The following FAS variants were observed in gnomAD, a reference collection of about 807,000 sequenced individuals.
FAS encodes the protein Fas cell surface death receptor.
In FAS, 5 loss-of-function variants were observed where a neutral mutation model predicts 33.2. That is an observed-to-expected ratio of 0.15 (90% confidence interval 0.08 to 0.32). The LOEUF is 0.32. FAS is among the 10% of genes least tolerant of loss of function. The probability of loss-of-function intolerance (pLI) is 1.00; values close to 1 mark genes in which losing one functional copy is unlikely to be tolerated. For missense variants in FAS, 339 were observed against 386.0 expected (o/e 0.88, Z 1.02); for synonymous variants, 131 against 130.7 (o/e 1.00, Z -0.01).
rs186223698 is a variant in FAS at position 88,969,108 on chromosome 10, A to C, written n.95-4074A>C. Among the ~76,000 whole-genome samples, 14 of 152,272 alleles carry C rather than the reference A, an allele frequency of 9.2e-5. No individual in the cohort carries two copies. The East Asian group carries it at 2.7e-3, about 29-fold the overall frequency. ...TGTGTTTTTTTCTCTCTTATTAAATAATACTCAAGACAAACACTTTTATAA... is the reference window on the plus strand; with the variant it reads ...TGTGTTTTTTTCTCTCTTATTAAATCATACTCAAGACAAACACTTTTATAA... On this transcript the variant is annotated intron_variant and non_coding_transcript_variant, in intron 1 of 3. Transcript: ENST00000688239.
chr10:89,004,701 T>C (rs965179500), intron 2 of FAS, among the ~76,000 whole-genome samples: 1 of 152,196 alleles, frequency 6.6e-6, no homozygotes, highest in African/African-American at 2.4e-5. Context: ...AAAGTCATGT[T>C]TTCTGATATA....
At chr10:88,981,365 G>A (rs11202917) in intron 2 of FAS, among the ~76,000 whole-genome samples, 16,647 of 147,456 alleles carry the variant, frequency 0.11, 1,345 homozygotes, top group East Asian at 0.43. Context: ...ATTAACCATC[G>A]GGTTAAGAGA....
chr10:89,006,889 T>TA (rs3837329), intron 2 of FAS, among the ~76,000 whole-genome samples: 114,856 of 152,138 alleles, frequency 0.75, 43,657 homozygotes, highest in East Asian at 0.97. Flanking sequence ...ACTTTATTTT[T>TA]AAGTAAATTA....
intron 1 of FAS, among the ~76,000 whole-genome samples, chr10:88,997,934 G>A (rs950835040): frequency 6.6e-6 from 1 of 152,144 alleles, no homozygotes; most frequent in East Asian, 1.9e-4. Context: ...TTCTAGTTCT[G>A]AAGACCATGG....
chr10:89,006,955 G>A (rs1489461785), intron 2 of FAS, among the ~76,000 whole-genome samples: 1 of 152,126 alleles, frequency 6.6e-6, no homozygotes, highest in Non-Finnish European at 1.5e-5. Flanking sequence ...AAGCCTGATA[G>A]ATAATAAATT....
At chr10:88,973,089 T>C in intron 1 of FAS, 1 of 1,378,370 alleles carries the variant, frequency 7.3e-7, no homozygotes, top group Non-Finnish European at 9.7e-7. Flanking sequence ...CAAAAAATAA[T>C]TTTAACTTCT....
In FAS at chr10:89,015,327, G is replaced by C. The variant is rs1288415394; in HGVS notation, c.*877G>C. ...CCCTTAGAAATTCTAGCCTGGTTTG[G>C]AGATACTAACTGCTCTCAGAGAAAG... On this transcript the variant is annotated 3_prime_UTR_variant, in exon 9 of 9. Transcript: ENST00000652046. 1.9e-6 allele frequency: 1 copy of C among 534,504 alleles called. No individual in the cohort carries two copies. Among genetic ancestry groups the C allele is most frequent in the East Asian group, 3.9e-5 (1 of 25,718 alleles). The allele number at this position is 534,504 out of a possible 1,614,324, so 33.1% of individuals were successfully genotyped here. A position where few individuals can be genotyped will look rare whatever the true frequency, so the allele number is the denominator to read the frequency against.
At chr10:88,979,941 G>A (rs551637422) in intron 2 of FAS, among the ~76,000 whole-genome samples, 11 of 152,246 alleles carry the variant, frequency 7.2e-5, no homozygotes, top group South Asian at 2.1e-4. Flanking sequence ...TAGTTCTTAC[G>A]TTCAAAGAGC....
At chr10:89,005,923 C>T (rs528094991) in intron 2 of FAS, among the ~76,000 whole-genome samples, 1 of 152,136 alleles carries the variant, frequency 6.6e-6, no homozygotes, top group African/African-American at 2.4e-5. Context: ...ACAGACATGA[C>T]CCACTGTGCC....
At chr10:89,010,488 A>T (rs530145755) in intron 4 of FAS, 51 bp from the exon 5 acceptor site, 2 of 1,500,766 alleles carry the variant, frequency 1.3e-6, no homozygotes, top group Non-Finnish European at 1.9e-6. Flanking sequence ...GAAAATTATA[A>T]AGGAATTATT....
chr10:88,969,055 A>G (rs1020937600), intron 1 of FAS, among the ~76,000 whole-genome samples: 1 of 152,156 alleles, frequency 6.6e-6, no homozygotes, highest in Non-Finnish European at 1.5e-5. Context: ...GGGTCTGGAA[A>G]GCTGTTATCT....
chr10:88,983,931 C>T (rs181650830), upstream of FAS, among the ~76,000 whole-genome samples: 207 of 152,240 alleles, frequency 1.4e-3, no homozygotes, highest in African/African-American at 4.7e-3. Context: ...CCTCAGTTTA[C>T]TGTGATCAGA....
At chr10:88,991,025 G>A (rs954167398) in intron 1 of FAS, 119 bp downstream of exon 1, 11 of 1,399,370 alleles carry the variant, frequency 7.9e-6, no homozygotes, top group African/African-American at 7.1e-5. Flanking sequence ...CGGGCACCTG[G>A]GAGCGGCGGG....
intron 1 of FAS, among the ~76,000 whole-genome samples, chr10:88,972,455 C>T (rs1846468910): frequency 6.6e-6 from 1 of 152,134 alleles, no homozygotes; most frequent in African/African-American, 2.4e-5. Context: ...ATATTTGATA[C>T]AGTTCGATTT....
chr10:88,996,398 C>T (rs1258758081), intron 1 of FAS, among the ~76,000 whole-genome samples: 2 of 150,956 alleles, frequency 1.3e-5, no homozygotes, highest in African/African-American at 2.4e-5. Flanking sequence ...GTTTTGAATC[C>T]ATAAAAGTAG....
At chr10:88,989,951 T>A (rs930517642), upstream of FAS, among the ~76,000 whole-genome samples, 12 of 152,308 alleles carry the variant, frequency 7.9e-5, no homozygotes, top group Admixed American at 2.0e-4. Context: ...TCCAAAGCAA[T>A]AGTGACTTTG....
At chr10:88,991,784 T>C (rs1465390727) in intron 1 of FAS, among the ~76,000 whole-genome samples, 1 of 152,164 alleles carries the variant, frequency 6.6e-6, no homozygotes, top group African/African-American at 2.4e-5. Flanking sequence ...CGGCGCCTAT[T>C]ATTGGCCAAG....
At position 88,996,498 on chromosome 10, in the gene FAS, G is replaced by A. The variant is rs375413990; in HGVS notation, c.30+5592G>A. ...GTCAAAGGATACAAAATTTCAGTTA[G>A]GAGGAATAAGTTCAAGAGATCTAGT... On this transcript the variant is annotated intron_variant, in intron 1 of 8. Transcript: ENST00000652046. 9.2e-5 allele frequency among the ~76,000 whole-genome samples: 14 copies of A among 152,178 alleles called. No homozygotes were observed. The East Asian group carries it at 2.7e-3, about 29-fold the overall frequency.
At chr10:88,992,155 T>A (rs10509561) in intron 1 of FAS, among the ~76,000 whole-genome samples, 45,417 of 152,074 alleles carry the variant, frequency 0.3, 7,301 homozygotes, top group Non-Finnish European at 0.36. Context: ...TGTTCGCTGA[T>A]TGCATCTGAT....
Sources: allele counts gnomAD v4.1 joint callset (sites outside exome capture counted in the v4.1 genomes callset), GRCh38; gene constraint gnomAD v4.1.1; transcripts MANE v1.5; gene names NCBI Gene and HGNC (gene_info 2026-07-23, HGNC 2026-07-21).